Variants in SLC1A2 observed in about 807,000 individuals in gnomAD.
SLC1A2 encodes solute carrier family 1 member 2.
SLC1A2 carries 15 observed loss-of-function variants against 48.8 expected under a neutral mutation model. The observed-to-expected ratio is 0.31, with a 90% CI of 0.21 to 0.47. The LOEUF (loss-of-function observed/expected upper bound fraction) is 0.47. Ranked by LOEUF, SLC1A2 falls within the 20% of genes least tolerant of loss-of-function variation. The probability of loss-of-function intolerance (pLI) is 0.99; values close to 1 mark genes in which losing one functional copy is unlikely to be tolerated. For synonymous variants in SLC1A2, 279 were observed against 272.6 expected, an observed-to-expected ratio of 1.02 and a Z score of -0.23; for missense variants, 502 against 730.5, an observed-to-expected ratio of 0.69 and a Z score of 3.61.
chr11:35,319,363 G>A (rs1851986267), intron 1 of SLC1A2, among the ~76,000 whole-genome samples: 1 of 152,188 alleles, frequency 6.6e-6, no homozygotes, highest in African/African-American at 2.4e-5. Context: ...GTAATCTGAA[G>A]CTCTAAACCA....
At chr11:35,269,097 T>A (rs560708519) in intron 9 of SLC1A2, among the ~76,000 whole-genome samples, 2 of 152,280 alleles carry the variant, frequency 1.3e-5, no homozygotes, top group South Asian at 4.1e-4. Flanking sequence ...GGAGCCTTCA[T>A]GAATGGGATC....
rs994298160 is a variant in SLC1A2, at chr11:35,253,638, C to A, written c.*7256G>T. On this transcript the variant is annotated 3_prime_UTR_variant, in exon 11 of 11. Transcript: ENST00000278379. ...CACCAGCTAAGGGATTTAAGCAATT[C>A]CTTGTTCTTAATGGTTCATTTTGTT... 9.2e-5 allele frequency: 14 copies of A among 152,568 alleles called. No homozygotes were observed. The highest frequency in any genetic ancestry group is 7.9e-4 in the Admixed American group (12 of 15,268). The allele number at this position is 152,568 out of a possible 1,614,324, so 9.5% of individuals were successfully genotyped here.
At position 35,252,061 on chromosome 11, in the gene SLC1A2, C is replaced by T. The variant is rs1424813751; in HGVS notation, c.*8833G>A. 1 of 152,542 alleles carries T rather than the reference C, an allele frequency of 6.6e-6. No individual in the cohort carries two copies. Among genetic ancestry groups the T allele is most frequent in the Non-Finnish European group, 1.5e-5 (1 of 68,026 alleles). 9.4% of individuals were successfully genotyped at this position (152,542 alleles called of 1,614,324 possible). Reference sequence around the variant, plus strand: ...GTGGGACCTGTGTTCATCAGTTGCCCCTCTACAACCGCATAAGCTGTACAC... The same window carrying T: ...GTGGGACCTGTGTTCATCAGTTGCCTCTCTACAACCGCATAAGCTGTACAC... On this transcript the variant is annotated 3_prime_UTR_variant, in exon 11 of 11. Transcript: ENST00000278379.
At chr11:35,391,253 C>A (rs1412015014) in intron 1 of SLC1A2, 3 of 152,182 alleles carry the variant, frequency 2.0e-5, no homozygotes, top group Non-Finnish European at 2.9e-5. Flanking sequence ...GACTGTATGG[C>A]TCACAAAGCC....
chr11:35,290,466 T>C (rs1334255007), intron 7 of SLC1A2, among the ~76,000 whole-genome samples: 1 of 152,124 alleles, frequency 6.6e-6, no homozygotes, highest in African/African-American at 2.4e-5. Context: ...TATACATACA[T>C]AGTAAGAACT....
At chr11:35,400,551 A>G (rs1222340024) in intron 1 of SLC1A2, among the ~76,000 whole-genome samples, 4 of 152,244 alleles carry the variant, frequency 2.6e-5, no homozygotes, top group Non-Finnish European at 4.4e-5. Flanking sequence ...TAATTAGTAT[A>G]GATTTCATCT....
Position 35,258,319 on chromosome 11 carries a change from C to G in SLC1A2, c.*2575G>C, listed in dbSNP as rs758849175. On this transcript the variant is annotated 3_prime_UTR_variant, in exon 11 of 11. Coordinates refer to ENST00000278379, the MANE Select transcript of SLC1A2 (RefSeq NM_004171.4). ...AAAACTTGCTTTGTGAAGTTGTACACCTTGTTTCTTCCAAACACATTGTCT... is the reference window on the plus strand; with the variant it reads ...AAAACTTGCTTTGTGAAGTTGTACAGCTTGTTTCTTCCAAACACATTGTCT... 11 of 152,228 alleles carry G rather than the reference C, an allele frequency of 7.2e-5. No individual in the cohort carries two copies. The highest frequency in any genetic ancestry group is 1.3e-4 in the Admixed American group (2 of 15,288). 9.4% of individuals were successfully genotyped at this position (152,228 alleles called of 1,614,324 possible). A position where few individuals can be genotyped will look rare whatever the true frequency, so the allele number is the denominator to read the frequency against.
At chr11:35,279,559 T>C (rs959057500) in intron 9 of SLC1A2, among the ~76,000 whole-genome samples, 6 of 152,184 alleles carry the variant, frequency 3.9e-5, no homozygotes, top group African/African-American at 1.4e-4. Flanking sequence ...TGGAATGTCC[T>C]GTCTCCCCGT....
chr11:35,290,157 T>C (rs1850949829), intron 7 of SLC1A2, among the ~76,000 whole-genome samples: 1 of 152,178 alleles, frequency 6.6e-6, no homozygotes, highest in Non-Finnish European at 1.5e-5. Context: ...TGAATAGCAA[T>C]CTGGTAATGT....
At chr11:35,314,712 CAA>C (rs531467759) in intron 3 of SLC1A2, among the ~76,000 whole-genome samples, 1 of 132,676 alleles carries the variant, frequency 7.5e-6, no homozygotes, top group African/African-American at 2.8e-5. Context: ...GACTCCATCT[CAA>C]AAAAAAAAAA....
chr11:35,391,852 T>C (rs1565298332), intron 1 of SLC1A2, among the ~76,000 whole-genome samples: 1 of 152,114 alleles, frequency 6.6e-6, no homozygotes, highest in East Asian at 1.9e-4. Flanking sequence ...CTTCAAATAC[T>C]AGATTTGGTA....
intron 1 of SLC1A2, among the ~76,000 whole-genome samples, chr11:35,343,206 G>A (rs1156930893): frequency 6.6e-6 from 1 of 152,236 alleles, no homozygotes; most frequent in Non-Finnish European, 1.5e-5. Flanking sequence ...ATAGGCTAGG[G>A]GCTGATAAAA....
At chr11:35,304,392 T>A (rs557145832) in intron 5 of SLC1A2, among the ~76,000 whole-genome samples, 2 of 151,894 alleles carry the variant, frequency 1.3e-5, no homozygotes, top group Non-Finnish European at 2.9e-5. Flanking sequence ...GAAAAGACCA[T>A]GGGGGAGTTA....
chr11:35,380,553 C>T (rs1479598876), intron 1 of SLC1A2: 2 of 396,998 alleles, frequency 5.0e-6, no homozygotes, highest in Admixed American at 4.4e-5. Context: ...TGCAAAAAGA[C>T]AGTGCAAACA....
chr11:35,292,240 G>T, intron 7 of SLC1A2, 47 bp downstream of exon 7: 1 of 1,366,722 alleles, frequency 7.3e-7, no homozygotes, highest in Non-Finnish European at 1.0e-6. Flanking sequence ...ATGGCAAAGA[G>T]GGCAAAAGAG....
intron 1 of SLC1A2, among the ~76,000 whole-genome samples, chr11:35,374,817 C>T (rs1309768195): frequency 1.3e-5 from 2 of 151,504 alleles, no homozygotes; most frequent in African/African-American, 2.4e-5. Flanking sequence ...TAGTAGGGAG[C>T]CTGCTGGCAC....
chr11:35,342,709 C>T (rs1371170499), intron 1 of SLC1A2, among the ~76,000 whole-genome samples: 1 of 151,916 alleles, frequency 6.6e-6, no homozygotes, highest in Non-Finnish European at 1.5e-5. Context: ...TCGCTTGAGC[C>T]CTGGAGGTTG....
intron 6 of SLC1A2, among the ~76,000 whole-genome samples, chr11:35,292,752 G>C (rs7937731): frequency 0.91 from 138,770 of 152,204 alleles, 63,484 homozygotes; most frequent in East Asian, 1. Context: ...CAAATTTTGT[G>C]GCTAAGGTGA....
chr11:35,399,269 C>T (rs556687826), intron 1 of SLC1A2, among the ~76,000 whole-genome samples: 16 of 152,198 alleles, frequency 1.1e-4, no homozygotes, highest in Middle Eastern at 3.4e-3. Flanking sequence ...TGGTCTTCAC[C>T]AACACTTAGC....
Sources: allele counts gnomAD v4.1 joint callset (sites outside exome capture counted in the v4.1 genomes callset), GRCh38; gene constraint gnomAD v4.1.1; transcripts MANE v1.5; gene names NCBI Gene and HGNC (gene_info 2026-07-23, HGNC 2026-07-21).